The following LDB2 variants were observed in gnomAD, a reference collection of about 807,000 sequenced individuals.
The protein encoded by LDB2 is LIM domain-binding protein 2.
A neutral mutation model predicts 44.3 loss-of-function variants in LDB2; 12 were observed. That is an observed-to-expected ratio of 0.27 (90% CI 0.17 to 0.44). The LOEUF (loss-of-function observed/expected upper bound fraction) is 0.44, where lower values mean the gene tolerates loss of function less well. Among genes scored for constraint, LDB2 ranks in the 20% least tolerant of loss-of-function variants. LDB2 has a pLI of 1.00. For synonymous variants in LDB2, 164 were observed against 174.8 expected, an observed-to-expected ratio of 0.94 and a Z score of 0.49; for missense variants, 344 against 473.5, an observed-to-expected ratio of 0.73 and a Z score of 2.54.
intron 5 of LDB2, among the ~76,000 whole-genome samples, chr4:16,544,958 G>A (rs952143733): frequency 9.9e-5 from 15 of 152,114 alleles, no homozygotes; most frequent in East Asian, 1.9e-4. Flanking sequence ...AAATGTGTGC[G>A]CCGAATCCTG....
chr4:16,623,569 C>T (rs183872423), intron 2 of LDB2, among the ~76,000 whole-genome samples: 42 of 151,806 alleles, frequency 2.8e-4, no homozygotes, highest in South Asian at 4.2e-4. Context: ...TGCACTGTAG[C>T]GTGGCTGACA....
chr4:16,585,634 C>A (rs1716519767), intron 5 of LDB2, among the ~76,000 whole-genome samples: 1 of 152,114 alleles, frequency 6.6e-6, no homozygotes, highest in South Asian at 2.1e-4. Context: ...ACAAGGGAAG[C>A]AGCCACAAAG....
At chr4:16,720,451 A>G (rs1413873137) in intron 2 of LDB2, among the ~76,000 whole-genome samples, 1 of 152,100 alleles carries the variant, frequency 6.6e-6, no homozygotes, top group Non-Finnish European at 1.5e-5. Flanking sequence ...AATCACATAA[A>G]CCAATTCCTT....
chr4:16,620,169 T>C (rs1328822255), intron 2 of LDB2, among the ~76,000 whole-genome samples: 2 of 152,198 alleles, frequency 1.3e-5, no homozygotes, highest in African/African-American at 4.8e-5. Context: ...ATATCTTTAA[T>C]GTCCAAAACA....
intron 2 of LDB2, among the ~76,000 whole-genome samples, chr4:16,635,302 G>C (rs1031534115): frequency 6.6e-6 from 1 of 151,722 alleles, no homozygotes; most frequent in Non-Finnish European, 1.5e-5. Flanking sequence ...AAAAAAAATT[G>C]AGTCACCCAC....
chr4:16,841,846 A>G (rs1277445322), intron 1 of LDB2, among the ~76,000 whole-genome samples: 2 of 152,246 alleles, frequency 1.3e-5, no homozygotes, highest in Non-Finnish European at 2.9e-5. Flanking sequence ...TACAAATGAA[A>G]AACAGATGAC....
intron 5 of LDB2, among the ~76,000 whole-genome samples, chr4:16,544,743 T>C (rs1451282351): frequency 6.6e-6 from 1 of 152,162 alleles, no homozygotes; most frequent in Non-Finnish European, 1.5e-5. Context: ...AGTTTAGTTC[T>C]GACCAAGATG....
At chr4:16,770,277 C>T (rs1277718444) in intron 1 of LDB2, among the ~76,000 whole-genome samples, 1 of 152,066 alleles carries the variant, frequency 6.6e-6, no homozygotes, top group Admixed American at 6.6e-5. Flanking sequence ...ATAATTGCTC[C>T]ATTATTTAAT....
At chr4:16,555,781 A>G (rs1259148265) in intron 5 of LDB2, among the ~76,000 whole-genome samples, 1 of 152,116 alleles carries the variant, frequency 6.6e-6, no homozygotes, top group Non-Finnish European at 1.5e-5. Context: ...TGTTTAGATT[A>G]TGTCTCCTCC....
chr4:16,833,372 C>T (rs962720781), intron 1 of LDB2, among the ~76,000 whole-genome samples: 2 of 152,122 alleles, frequency 1.3e-5, no homozygotes, highest in Non-Finnish European at 2.9e-5. Flanking sequence ...GAAGTATGTA[C>T]AAATGTGATA....
intron 1 of LDB2, among the ~76,000 whole-genome samples, chr4:16,831,515 G>A (rs1333453904): frequency 6.6e-6 from 1 of 152,102 alleles, no homozygotes; most frequent in South Asian, 2.1e-4. Context: ...GGGACAGAAC[G>A]TGGTGGCTTT....
At chr4:16,620,794 A>C (rs1325193752) in intron 2 of LDB2, among the ~76,000 whole-genome samples, 1 of 152,222 alleles carries the variant, frequency 6.6e-6, no homozygotes, top group Non-Finnish European at 1.5e-5. Flanking sequence ...AGTGCTGGTG[A>C]CTGGGTGGGT....
At chr4:16,789,901 T>C (rs1379247616) in intron 1 of LDB2, among the ~76,000 whole-genome samples, 2 of 152,142 alleles carry the variant, frequency 1.3e-5, no homozygotes, top group African/African-American at 4.8e-5. Context: ...CACTGCACTC[T>C]AGCCTGGGTG....
At chr4:16,763,649 G>T (rs1161683813) in intron 1 of LDB2, among the ~76,000 whole-genome samples, 2 of 152,156 alleles carry the variant, frequency 1.3e-5, no homozygotes, top group Admixed American at 6.5e-5. Context: ...AGGGCCCAGG[G>T]TTAATGTTAG....
At chr4:16,860,243 C>T (rs1240332787) in intron 1 of LDB2, among the ~76,000 whole-genome samples, 2 of 152,218 alleles carry the variant, frequency 1.3e-5, no homozygotes, top group South Asian at 2.1e-4. Flanking sequence ...CTGCACTTTC[C>T]TGTACCATTT....
At chr4:16,781,431 G>A (rs1463772619) in intron 1 of LDB2, among the ~76,000 whole-genome samples, 1 of 152,278 alleles carries the variant, frequency 6.6e-6, no homozygotes, top group East Asian at 1.9e-4. Context: ...AGATGAGTAC[G>A]AGCCCTCAGC....
chr4:16,846,106 T>G (rs1213467611), intron 1 of LDB2, among the ~76,000 whole-genome samples: 1 of 136,898 alleles, frequency 7.3e-6, no homozygotes, highest in Non-Finnish European at 1.6e-5. Flanking sequence ...AGAGCAAGAC[T>G]CTGTCTCAAA....
intron 6 of LDB2, 72 bp from the exon 7 acceptor site, chr4:16,508,758 T>A: frequency 7.0e-7 from 1 of 1,438,352 alleles, no homozygotes; most frequent in Non-Finnish European, 9.4e-7. Context: ...GTATGGTTAC[T>A]CTAAGGAAGC....
intron 1 of LDB2, among the ~76,000 whole-genome samples, chr4:16,860,861 G>C (rs920532152): frequency 1.3e-5 from 2 of 152,050 alleles, no homozygotes; most frequent in African/African-American, 4.8e-5. Context: ...TACCACATGG[G>C]TCCAAATCTG....
Sources: gnomAD v4.1 joint callset for allele counts (sites outside exome capture counted in the v4.1 genomes callset) on GRCh38, gnomAD v4.1.1 for gene constraint, MANE v1.5 for transcripts, NCBI Gene and HGNC (gene_info 2026-07-23, HGNC 2026-07-21) for gene names.